ZDHHC18: variants seen among roughly 807,000 people sequenced by gnomAD.
The protein encoded by ZDHHC18 is zDHHC palmitoyltransferase 18.
A neutral mutation model predicts 37.5 loss-of-function variants in ZDHHC18; 23 were observed. The ratio of observed to expected loss-of-function variants is 0.61; its 90% CI spans 0.44 to 0.87. The LOEUF (loss-of-function observed/expected upper bound fraction) is 0.87. Among genes scored for constraint, ZDHHC18 ranks in the 40% least tolerant of loss-of-function variants. ZDHHC18 has a pLI of 0.00. For synonymous variants in ZDHHC18, 185 were observed against 218.7 expected, an observed-to-expected ratio of 0.85 and a Z score of 1.36; for missense variants, 406 against 525.6, an observed-to-expected ratio of 0.77 and a Z score of 2.22.
intron 2 of ZDHHC18, among the ~76,000 whole-genome samples, chr1:26,842,334 A>G (rs2081643505): frequency 6.6e-6 from 1 of 152,194 alleles, no homozygotes; most frequent in South Asian, 2.1e-4. Flanking sequence ...GCCATTTCAC[A>G]TATATTGATT....
rs753598475 is a variant in ZDHHC18 at position 26,850,559 on chromosome 1, C to T, written c.786C>T (p.Arg262=). Residue 262 remains arginine (R), a splice_region_variant and synonymous_variant, in exon 5 of 8, where the codon CGC becomes CGT. Transcript: ENST00000374142. This position sits in a 1 kb window ranked among gnomAD's most constrained non-coding sequence, Gnocchi z 6.1. ...FACVVTHLTL[R]AQGSNFLSTL... is the part of the protein sequence containing the mutation. ...CCTCTCCTGTTTCTTTCTCCCCAGGCGCTCAGGGAAGCAACTTCCTCTCCA... is the reference window on the plus strand; with the variant it reads ...CCTCTCCTGTTTCTTTCTCCCCAGGTGCTCAGGGAAGCAACTTCCTCTCCA... The T allele has an allele frequency of 1.9e-5, 31 of 1,614,082 alleles. No homozygotes were observed. Among genetic ancestry groups the T allele is most frequent in the South Asian group, 1.5e-4 (14 of 91,090 alleles).
In ZDHHC18 at chr1:26,856,192, C is replaced by T; in HGVS notation, c.*2349C>T. 1 of 454,632 alleles carries T rather than the reference C, an allele frequency of 2.2e-6. No homozygotes were observed. Among genetic ancestry groups the T allele is most frequent in the Non-Finnish European group, 4.4e-6 (1 of 225,564 alleles). 28.2% of individuals were successfully genotyped at this position (454,632 alleles called of 1,614,324 possible). On this transcript the variant is annotated 3_prime_UTR_variant, in exon 8 of 8. Coordinates refer to ENST00000374142, the MANE Select transcript of ZDHHC18 (RefSeq NM_032283.3). The surrounding 1 kb of genome is among the most constrained non-coding windows in gnomAD (Gnocchi z 5.2). ...CTCTGGTATCTCCCTCAGGAGGACA[C>T]CTGTCAGGATTTTGCCATCTCCTGC...
Position 26,855,650 on chromosome 1 carries a change from T to C in ZDHHC18, c.*1807T>C. 1 of 152,674 alleles carries C rather than the reference T, an allele frequency of 6.5e-6. No homozygotes were observed. Among genetic ancestry groups the C allele is most frequent in the Non-Finnish European group, 1.5e-5 (1 of 68,136 alleles). The allele number at this position is 152,674 out of a possible 1,614,324, so 9.5% of individuals were successfully genotyped here. On this transcript the variant is annotated 3_prime_UTR_variant, in exon 8 of 8. Transcript: ENST00000374142. ...GAAGAAGCTGGCTAGAGGAGGGGGC[T>C]CCCACCTACCTTTTATTTAAGCCAG... is the stretch of plus-strand genomic sequence containing the variant.
intron 1 of ZDHHC18, among the ~76,000 whole-genome samples, chr1:26,829,684 C>T (rs527632399): frequency 7.4e-4 from 113 of 152,332 alleles, no homozygotes; most frequent in Middle Eastern, 3.4e-3. Context: ...GCCTAGAACT[C>T]GCACCTGGTA....
At position 26,850,664 on chromosome 1, in the gene ZDHHC18, G is replaced by A. The variant is rs755558165; in HGVS notation, c.833+58G>A. 40 of 1,595,448 alleles carry A rather than the reference G, an allele frequency of 2.5e-5. No homozygotes were observed. Among genetic ancestry groups the A allele is most frequent in the Admixed American group, 5.1e-5 (3 of 59,110 alleles). On this transcript the variant is annotated intron_variant, in intron 5 of 7. Coordinates refer to ENST00000374142, the MANE Select transcript of ZDHHC18 (RefSeq NM_032283.3). The surrounding 1 kb of genome is among the most constrained non-coding windows in gnomAD (Gnocchi z 6.1). ...GGAACTGAGGTCCCTTCACTGGGTG[G>A]GTGCCCTGCCTCATCCTCTAATCAG... is the stretch of plus-strand genomic sequence containing the variant.
intron 2 of ZDHHC18, among the ~76,000 whole-genome samples, chr1:26,848,021 A>T (rs1570674239): frequency 6.6e-6 from 1 of 152,280 alleles, no homozygotes; most frequent in East Asian, 1.9e-4. Flanking sequence ...AGATGCAAAT[A>T]AACCTCACTG....
chr1:26,845,320 C>CTTTT (rs71007896), intron 2 of ZDHHC18, among the ~76,000 whole-genome samples: 1,053 of 45,310 alleles, frequency 0.023, 153 homozygotes, highest in Non-Finnish European at 0.028. Flanking sequence ...CTTCTTCATT[C>CTTTT]TTTTTTTTTT....
In ZDHHC18 at chr1:26,826,694, TGAGC is replaced by T; in HGVS notation, c.-101_-98del. ...GCGATGGCGGGGCCGCCCCAGTGAG[TGAGC>T]GAGCGAGCGCCGCGCGCGCCGCCGC... On this transcript the variant is annotated 5_prime_UTR_variant, in exon 1 of 8. Coordinates refer to ENST00000374142, the MANE Select transcript of ZDHHC18 (RefSeq NM_032283.3). The surrounding 1 kb of genome is among the most constrained non-coding windows in gnomAD (Gnocchi z 5.2). 1 of 369,000 alleles carries T rather than the reference TGAGC, an allele frequency of 2.7e-6. No homozygotes were observed. Among genetic ancestry groups the T allele is most frequent in the Non-Finnish European group, 3.7e-6 (1 of 268,904 alleles). The allele number at this position is 369,000 out of a possible 1,614,324, so 22.9% of individuals were successfully genotyped here. A position where few individuals can be genotyped will look rare whatever the true frequency, so the allele number is the denominator to read the frequency against.
chr1:26,849,005 G>A (rs1570674903), intron 3 of ZDHHC18, among the ~76,000 whole-genome samples: 1 of 152,174 alleles, frequency 6.6e-6, no homozygotes, highest in Non-Finnish European at 1.5e-5. Flanking sequence ...GAGGTGTGGG[G>A]CAGACAGACA....
intron 3 of ZDHHC18, among the ~76,000 whole-genome samples, chr1:26,849,518 G>A (rs1336269545): frequency 6.6e-6 from 1 of 152,240 alleles, no homozygotes; most frequent in East Asian, 1.9e-4. Flanking sequence ...GACTCAGTGG[G>A]CACCATTCAT....
rs2081729870 is a variant in ZDHHC18 at position 26,855,590 on chromosome 1, C to A, written c.*1747C>A. ...AACAGCTTCACCCCAGCCTCAGGGCCCTGGGCCATCACTGCAGTGGCCCTG... is the reference window on the plus strand; with the variant it reads ...AACAGCTTCACCCCAGCCTCAGGGCACTGGGCCATCACTGCAGTGGCCCTG... On this transcript the variant is annotated 3_prime_UTR_variant, in exon 8 of 8. Transcript: ENST00000374142. The A allele has an allele frequency of 6.5e-6, 1 of 152,776 alleles. No homozygotes were observed. The highest frequency in any genetic ancestry group is 2.4e-5 in the African/African-American group (1 of 41,424). The allele number at this position is 152,776 out of a possible 1,614,324, so 9.5% of individuals were successfully genotyped here. A position where few individuals can be genotyped will look rare whatever the true frequency, so the allele number is the denominator to read the frequency against.
intron 2 of ZDHHC18, among the ~76,000 whole-genome samples, chr1:26,844,373 G>A (rs555382416): frequency 1.9e-4 from 29 of 152,136 alleles, no homozygotes; most frequent in Admixed American, 3.3e-4. Flanking sequence ...ATATTATTGT[G>A]TGTAGTTGAC....
rs142800783 is a variant in ZDHHC18, at chr1:26,846,132, A to G, written c.497-2476A>G. Among the ~76,000 whole-genome samples the G allele has an allele frequency of 3.0e-3, 441 of 149,278 alleles. 8 individuals are homozygous for G. Among genetic ancestry groups the G allele is most frequent in the Non-Finnish European group, 2.1e-3 (141 of 67,548 alleles). Reference sequence around the variant, plus strand: ...TGTGTGTATATATATATGTGTGTGTATATATATGTGTGTATATATATACAT... The same window carrying G: ...TGTGTGTATATATATATGTGTGTGTGTATATATGTGTGTATATATATACAT... On this transcript the variant is annotated intron_variant, in intron 2 of 7. Coordinates refer to ENST00000374142, the MANE Select transcript of ZDHHC18 (RefSeq NM_032283.3).
intron 2 of ZDHHC18, among the ~76,000 whole-genome samples, chr1:26,839,916 G>A (rs1441413971): frequency 6.6e-6 from 1 of 152,214 alleles, no homozygotes; most frequent in Non-Finnish European, 1.5e-5. Flanking sequence ...CATGAAGGGT[G>A]CAGCCCCTGC....
In ZDHHC18 at chr1:26,826,732, C is replaced by T; in HGVS notation, c.-73C>T. 2.6e-6 allele frequency: 2 copies of T among 783,038 alleles called. No homozygotes were observed. The highest frequency in any genetic ancestry group is 3.1e-6 in the Non-Finnish European group (2 of 647,492). The allele number at this position is 783,038 out of a possible 1,614,324, so 48.5% of individuals were successfully genotyped here. On this transcript the variant is annotated 5_prime_UTR_variant, in exon 1 of 8. Transcript: ENST00000374142. The surrounding 1 kb of genome is among the most constrained non-coding windows in gnomAD (Gnocchi z 5.2). ...GCCGCGCGCGCCGCCGCTGCCACCT[C>T]CGCTGCTCGGCCCGGTCCCGGAGTG... is the stretch of plus-strand genomic sequence containing the variant.
Position 26,850,908 on chromosome 1 carries a change from C to T in ZDHHC18, c.834-221C>T, listed in dbSNP as rs1012194258. Among the ~76,000 whole-genome samples, 7 of 152,328 alleles carry T rather than the reference C, an allele frequency of 4.6e-5. No homozygotes were observed. The East Asian group carries it at 5.8e-4, about 13-fold the overall frequency. ...GATTGGAACCCTCAGTTTTCTCTGCCGTCCATCACCCTGACCTTGTCTGGC... is the reference window on the plus strand; with the variant it reads ...GATTGGAACCCTCAGTTTTCTCTGCTGTCCATCACCCTGACCTTGTCTGGC... On this transcript the variant is annotated intron_variant, in intron 5 of 7. Transcript: ENST00000374142. This position sits in a 1 kb window ranked among gnomAD's most constrained non-coding sequence, Gnocchi z 6.1.
chr1:26,834,562 CTCCT>C (rs1296939991), intron 2 of ZDHHC18, among the ~76,000 whole-genome samples: 1 of 152,198 alleles, frequency 6.6e-6, no homozygotes, highest in African/African-American at 2.4e-5. Flanking sequence ...AGAGCACCTT[CTCCT>C]TCCTTCTCTG....
chr1:26,851,866 G>C (rs980531808), intron 6 of ZDHHC18, among the ~76,000 whole-genome samples: 1 of 152,218 alleles, frequency 6.6e-6, no homozygotes, highest in Non-Finnish European at 1.5e-5. Context: ...CTGCCACCCT[G>C]CAGACTGCCA....
Position 26,827,094 on chromosome 1 carries a change from C to T in ZDHHC18, c.290C>T (p.Thr97Met). The stretch of plus-strand genomic sequence containing the variant: ...GGCCACGGCGGCGTCTTCGCGCTCA[C>T]GCTGCTGCTCATCCTCACCACCACC... ...LAGHGGVFAL[T>M]LLLILTTTGL... Residue 97 changes from threonine to methionine, a missense_variant, in exon 1 of 8, where the codon ACG (threonine) becomes ATG (methionine). Physicochemically the swap from Thr to Met is moderately conservative, Grantham distance 81. Transcript: ENST00000374142. The T allele has an allele frequency of 2.1e-6, 3 of 1,405,984 alleles. No homozygotes were observed. The highest frequency in any genetic ancestry group is 2.8e-6 in the Non-Finnish European group (3 of 1,082,260). 87.1% of individuals were successfully genotyped at this position (1,405,984 alleles called of 1,614,324 possible).
Sources: allele counts gnomAD v4.1 joint callset (sites outside exome capture counted in the v4.1 genomes callset), GRCh38; gene constraint gnomAD v4.1.1; non-coding constraint Gnocchi (gnomAD v3.1); transcripts MANE v1.5; gene names NCBI Gene and HGNC (gene_info 2026-07-23, HGNC 2026-07-21).